Variants in SLC8A2 observed in about 807,000 individuals in gnomAD.
SLC8A2 encodes the protein sodium/calcium exchanger 2.
Under a neutral mutation model 70.2 loss-of-function variants are expected in SLC8A2, and 14 were observed. The ratio of observed to expected loss-of-function variants is 0.20; its 90% CI spans 0.13 to 0.31. The LOEUF is 0.31. SLC8A2 is among the 10% of genes least tolerant of loss of function. The pLI is 1.00. For missense variants in SLC8A2, 779 were observed against 1,320.1 expected, an observed-to-expected ratio of 0.59 and a Z score of 6.35; for synonymous variants, 575 against 594.3, an observed-to-expected ratio of 0.97 and a Z score of 0.47.
intron 8 of SLC8A2, among the ~76,000 whole-genome samples, chr19:47,435,550 GTTTT>G (rs895524785): frequency 7.5e-6 from 1 of 133,298 alleles, no homozygotes; most frequent in Non-Finnish European, 1.6e-5. Context: ...TCTTTTCTTC[GTTTT>G]TTTTTTTTTT....
At chr19:47,456,114 C>T (rs1464292228) in intron 3 of SLC8A2, among the ~76,000 whole-genome samples, 1 of 152,218 alleles carries the variant, frequency 6.6e-6, no homozygotes, top group Non-Finnish European at 1.5e-5. Flanking sequence ...AGCATTTTTA[C>T]TTTAGTAATG....
Position 47,430,727 on chromosome 19 carries a change from T to C in SLC8A2, c.2390-262A>G, listed in dbSNP as rs1010514865. Among the ~76,000 whole-genome samples, 1 of 152,206 alleles carries C rather than the reference T, an allele frequency of 6.6e-6. No individual in the cohort carries two copies. Among genetic ancestry groups the C allele is most frequent in the Non-Finnish European group, 1.5e-5 (1 of 68,018 alleles). On this transcript the variant is annotated intron_variant, in intron 9 of 9. Transcript: ENST00000236877. The surrounding 1 kb of genome is among the most constrained non-coding windows in gnomAD (Gnocchi z 5.9). Reference sequence around the variant, plus strand: ...CTCTTCTATGGGACTCACTGCGTGATTTCTTTTTTTTTCCTCCGAGACGGA... The same window carrying C: ...CTCTTCTATGGGACTCACTGCGTGACTTCTTTTTTTTTCCTCCGAGACGGA...
intron 6 of SLC8A2, 88 bp from the exon 7 acceptor site, chr19:47,438,061 G>C (rs1273833350): frequency 3.9e-6 from 6 of 1,540,218 alleles, no homozygotes; most frequent in Non-Finnish European, 5.3e-6. Flanking sequence ...CATAGTTAGA[G>C]AAAGCCTATC....
At position 47,457,597 on chromosome 19, in the gene SLC8A2, G is replaced by A. The variant is rs1459094422; in HGVS notation, c.676-3C>T. 4 of 1,533,440 alleles carry A rather than the reference G, an allele frequency of 2.6e-6. No homozygotes were observed. The highest frequency in any genetic ancestry group is 3.5e-6 in the Non-Finnish European group (4 of 1,141,262). The allele number at this position is 1,533,440 out of a possible 1,614,324, so 95.0% of individuals were successfully genotyped here. A position where few individuals can be genotyped will look rare whatever the true frequency, so the allele number is the denominator to read the frequency against. On this transcript the variant is annotated splice_region_variant and splice_polypyrimidine_tract_variant and intron_variant, in intron 2 of 9. Transcript: ENST00000236877. ...AGGGTCAGCAGCGCCTCCCACACCT[G>A]CGGGCGGCGGGCGTCAGGGCGAGGC...
chr19:47,430,589 C>T lies in SLC8A2; in HGVS notation c.2390-124G>A, dbSNP rs529271949. On this transcript the variant is annotated intron_variant, in intron 9 of 9. Transcript: ENST00000236877. This position sits in a 1 kb window ranked among gnomAD's most constrained non-coding sequence, Gnocchi z 5.9. ...TTCTGCGGGCAGTGTGGGCTCAAGA[C>T]CCCTGACCCCCACCCAAGAGGCAAA... 1.3e-5 allele frequency: 13 copies of T among 1,033,656 alleles called. No homozygotes were observed. The highest frequency in any genetic ancestry group is 8.0e-5 in the African/African-American group (5 of 62,382). 64.0% of individuals were successfully genotyped at this position (1,033,656 alleles called of 1,614,324 possible).
rs564063765 is a variant in SLC8A2, at chr19:47,429,459, C to T, written c.*630G>A. ...AACCCCAAACTTCTCCCCTCGTCTC[C>T]GAGCCTGGAGAATGAGTGTCCTCCC... On this transcript the variant is annotated 3_prime_UTR_variant, in exon 10 of 10. Coordinates refer to ENST00000236877, the MANE Select transcript of SLC8A2 (RefSeq NM_015063.3). 1 of 153,008 alleles carries T rather than the reference C, an allele frequency of 6.5e-6. No individual in the cohort carries two copies. Among genetic ancestry groups the T allele is most frequent in the East Asian group, 1.9e-4 (1 of 5,172 alleles). The allele number at this position is 153,008 out of a possible 1,614,324, so 9.5% of individuals were successfully genotyped here. A position where few individuals can be genotyped will look rare whatever the true frequency, so the allele number is the denominator to read the frequency against.
At chr19:47,456,706 T>C (rs948740909) in intron 3 of SLC8A2, among the ~76,000 whole-genome samples, 1 of 151,900 alleles carries the variant, frequency 6.6e-6, no homozygotes, top group African/African-American at 2.4e-5. Context: ...AGGCGGGAGG[T>C]GTAGCCTTCG....
chr19:47,467,218 C>T (rs1283352842), intron 1 of SLC8A2, among the ~76,000 whole-genome samples: 1 of 152,156 alleles, frequency 6.6e-6, no homozygotes, highest in Non-Finnish European at 1.5e-5. Context: ...GCTGCTGCAC[C>T]CAGCACATGG....
Position 47,432,107 on chromosome 19 carries a change from GT to G in SLC8A2, c.2389+59del. The G allele has an allele frequency of 6.8e-7, 1 of 1,480,278 alleles. No individual in the cohort carries two copies. The highest frequency in any genetic ancestry group is 9.2e-7 in the Non-Finnish European group (1 of 1,086,756). 91.7% of individuals were successfully genotyped at this position (1,480,278 alleles called of 1,614,324 possible). On this transcript the variant is annotated intron_variant, in intron 9 of 9. Transcript: ENST00000236877. The surrounding 1 kb of genome is among the most constrained non-coding windows in gnomAD (Gnocchi z 6.2). ...ACCCACCTCATTTTGGCAGGATCCT[GT>G]GTTGCCCCTGCCTGGCTCATCTGAG...
At position 47,452,026 on chromosome 19, in the gene SLC8A2, G is replaced by A. The variant is rs542972521; in HGVS notation, c.1341-3795C>T. On this transcript the variant is annotated intron_variant, in intron 3 of 9. Transcript: ENST00000236877. ...GGGATGACTGGGGAAATGGAAACAC[G>A]GGCTGTGCATCACTCAATTGACGTT... is the stretch of plus-strand genomic sequence containing the variant. Among the ~76,000 whole-genome samples the A allele has an allele frequency of 4.6e-5, 7 of 152,178 alleles. No homozygotes were observed. The South Asian group carries it at 1.2e-3, about 27-fold the overall frequency.
intron 1 of SLC8A2, among the ~76,000 whole-genome samples, chr19:47,471,468 G>C (rs1967538559): frequency 6.8e-6 from 1 of 146,856 alleles, no homozygotes; most frequent in Non-Finnish European, 1.5e-5. Context: ...ATGAGACCCA[G>C]ACACAGGAAG....
chr19:47,464,529 C>T (rs1697421985), intron 2 of SLC8A2, among the ~76,000 whole-genome samples: 1 of 152,204 alleles, frequency 6.6e-6, no homozygotes, highest in African/African-American at 2.4e-5. Context: ...TCTCCTCTTT[C>T]TCTCTCCCTC....
intron 3 of SLC8A2, among the ~76,000 whole-genome samples, chr19:47,453,112 A>T (rs1478973069): frequency 1.3e-5 from 2 of 152,212 alleles, no homozygotes; most frequent in African/African-American, 4.8e-5. Context: ...ATCATAGGGG[A>T]TTAAATCTCA....
intron 1 of SLC8A2, among the ~76,000 whole-genome samples, chr19:47,469,465 T>G (rs1448186984): frequency 6.6e-6 from 1 of 152,200 alleles, no homozygotes; most frequent in Non-Finnish European, 1.5e-5. Flanking sequence ...CTGTCCTTCC[T>G]GCTGCAGTCC....
chr19:47,456,429 C>G (rs11880021), intron 3 of SLC8A2, among the ~76,000 whole-genome samples: 1 of 152,120 alleles, frequency 6.6e-6, no homozygotes, highest in Non-Finnish European at 1.5e-5. Context: ...TCTGGGAGGC[C>G]GAGGCAGGTG....
chr19:47,453,821 A>G (rs1967272759), intron 3 of SLC8A2, among the ~76,000 whole-genome samples: 1 of 152,178 alleles, frequency 6.6e-6, no homozygotes, highest in Admixed American at 6.5e-5. Flanking sequence ...GCTATATTGG[A>G]GGCTGAGGTG....
intron 8 of SLC8A2, among the ~76,000 whole-genome samples, chr19:47,434,192 G>A (rs746046537): frequency 6.6e-6 from 1 of 152,200 alleles, no homozygotes; most frequent in South Asian, 2.1e-4. Context: ...GAGAGAGGTG[G>A]CTGCTATTAC....
At position 47,448,180 on chromosome 19, in the gene SLC8A2, G is replaced by A. The variant is rs772076416; in HGVS notation, c.1392C>T (p.Ile464=). The change falls in exon 4 of 10, where the codon ATC becomes ATT. Residue 464 remains isoleucine (I), a synonymous_variant. Transcript: ENST00000236877. This position sits in a 1 kb window ranked among gnomAD's most constrained non-coding sequence, Gnocchi z 4.8. ...CGAAGATGTCGTCGTCGATGATGCCGATGCGCAGCTCCTTCTGCGTCTCGC... is the reference window on the plus strand; with the variant it reads ...CGAAGATGTCGTCGTCGATGATGCCAATGCGCAGCTCCTTCTGCGTCTCGC... ...KPGETQKELR[I]GIIDDDIFEE... is the part of the protein sequence containing the mutation. 7 of 1,611,614 alleles carry A rather than the reference G, an allele frequency of 4.3e-6. No homozygotes were observed. Among genetic ancestry groups the A allele is most frequent in the Non-Finnish European group, 5.1e-6 (6 of 1,178,988 alleles).
chr19:47,448,008 C>T lies in SLC8A2; in HGVS notation c.1564G>A (p.Ala522Thr). ...ATVTILDDDH[A>T]GIFSFQDRLL... Reference sequence around the variant, plus strand: ...CGGTCCTGGAAGGAGAAGATGCCTGCGTGGTCGTCGTCCAGGATGGTGACG... The same window carrying T: ...CGGTCCTGGAAGGAGAAGATGCCTGTGTGGTCGTCGTCCAGGATGGTGACG... The change falls in exon 4 of 10, where the codon GCA (alanine) becomes ACA (threonine). Residue 522 changes from alanine to threonine, a missense_variant. Physicochemically the swap from Ala to Thr is moderately conservative, Grantham distance 58. Transcript: ENST00000236877. This position sits in a 1 kb window ranked among gnomAD's most constrained non-coding sequence, Gnocchi z 4.8. The T allele has an allele frequency of 6.4e-7, 1 of 1,562,240 alleles. No individual in the cohort carries two copies. Among genetic ancestry groups the T allele is most frequent in the Non-Finnish European group, 8.7e-7 (1 of 1,153,024 alleles).
Sources: allele counts gnomAD v4.1 joint callset (sites outside exome capture counted in the v4.1 genomes callset), GRCh38; gene constraint gnomAD v4.1.1; non-coding constraint Gnocchi (gnomAD v3.1); transcripts MANE v1.5; gene names NCBI Gene and HGNC (gene_info 2026-07-23, HGNC 2026-07-21).